The following PPM1L variants were observed in gnomAD, a reference collection of about 807,000 sequenced individuals.
PPM1L encodes protein phosphatase 1L.
In PPM1L, 13 loss-of-function variants were observed where a neutral mutation model predicts 31.4. The observed-to-expected ratio is 0.41, with a 90% CI of 0.27 to 0.66. PPM1L has a LOEUF of 0.66. Among genes scored for constraint, PPM1L ranks in the 30% least tolerant of loss-of-function variants. The probability of loss-of-function intolerance (pLI) is 0.29; values close to 1 mark genes in which losing one functional copy is unlikely to be tolerated. For missense variants in PPM1L, 326 were observed against 453.7 expected, an observed-to-expected ratio of 0.72 and a Z score of 2.56; for synonymous variants, 184 against 175.4, an observed-to-expected ratio of 1.05 and a Z score of -0.39.
intron 3 of PPM1L, among the ~76,000 whole-genome samples, chr3:161,065,878 T>C (rs1270102511): frequency 1.3e-5 from 2 of 152,234 alleles, no homozygotes; most frequent in Non-Finnish European, 2.9e-5. Context: ...CACAACTAAC[T>C]ACTAATCATT....
intron 1 of PPM1L, among the ~76,000 whole-genome samples, chr3:160,774,159 C>T (rs146722797): frequency 2.6e-5 from 4 of 152,278 alleles, no homozygotes; most frequent in African/African-American, 9.6e-5. Flanking sequence ...ATTTCCTCTC[C>T]AGAGTTGTCT....
At chr3:160,948,436 A>G (rs16831645) in intron 1 of PPM1L, among the ~76,000 whole-genome samples, 4,870 of 152,220 alleles carry the variant, frequency 0.032, 291 homozygotes, top group African/African-American at 0.11. Context: ...CCAGGATTCA[A>G]AGTCCCACTT....
chr3:160,797,195 T>C (rs1294100542), intron 1 of PPM1L, among the ~76,000 whole-genome samples: 2 of 152,222 alleles, frequency 1.3e-5, no homozygotes, highest in Admixed American at 6.5e-5. Flanking sequence ...ATTTTTGCAA[T>C]ATATCAGACT....
chr3:160,886,342 C>T (rs1027952414), intron 1 of PPM1L, among the ~76,000 whole-genome samples: 3 of 152,202 alleles, frequency 2.0e-5, no homozygotes, highest in Admixed American at 2.0e-4. Context: ...ACACCCCATC[C>T]ACAAAGGGAC....
rs553867260 is a variant in PPM1L, at chr3:161,057,631, TC to T, written c.575-7771del. Among the ~76,000 whole-genome samples the T allele has an allele frequency of 2.0e-4, 30 of 152,156 alleles. No homozygotes were observed. In the South Asian group the frequency reaches 6.2e-3, roughly 32 times the overall value. Reference sequence around the variant, plus strand: ...AAGAAAAGTTGCTAACGTTTAAAAATCAGGAGAGTTCATACAAAAAAGACTT... The same window carrying T: ...AAGAAAAGTTGCTAACGTTTAAAAATAGGAGAGTTCATACAAAAAAGACTT... On this transcript the variant is annotated intron_variant, in intron 2 of 3. Coordinates refer to ENST00000498165, the MANE Select transcript of PPM1L (RefSeq NM_139245.4).
At chr3:160,976,590 G>C (rs1460741127) in intron 2 of PPM1L, among the ~76,000 whole-genome samples, 3 of 151,420 alleles carry the variant, frequency 2.0e-5, no homozygotes, top group African/African-American at 7.3e-5. Context: ...ACTTCTTCCT[G>C]GTTTAGTCTT....
At chr3:160,974,221 A>G (rs1384231144) in intron 2 of PPM1L, among the ~76,000 whole-genome samples, 3 of 151,712 alleles carry the variant, frequency 2.0e-5, no homozygotes, top group Non-Finnish European at 2.9e-5. Context: ...TTATGGCTGC[A>G]TAGTATTCCA....
intron 1 of PPM1L, among the ~76,000 whole-genome samples, chr3:160,814,964 G>A (rs1712950176): frequency 6.6e-6 from 1 of 151,998 alleles, no homozygotes; most frequent in South Asian, 2.1e-4. Flanking sequence ...AGGATGCAAA[G>A]GCATAAGAAT....
intron 1 of PPM1L, among the ~76,000 whole-genome samples, chr3:160,961,444 A>G (rs1168186299): frequency 6.6e-6 from 1 of 152,212 alleles, no homozygotes; most frequent in Admixed American, 6.5e-5. Flanking sequence ...AGGGGCCTTC[A>G]GTTCACTATA....
chr3:160,765,825 T>C (rs950307791), intron 1 of PPM1L, among the ~76,000 whole-genome samples: 6 of 152,234 alleles, frequency 3.9e-5, no homozygotes, highest in African/African-American at 1.4e-4. Flanking sequence ...TCGACTTTTT[T>C]TTTCTTTTTC....
At position 160,969,665 on chromosome 3, in the gene PPM1L, G is replaced by A. The variant is rs9882419; in HGVS notation, c.574+7755G>A. On this transcript the variant is annotated intron_variant, in intron 2 of 3. Transcript: ENST00000498165. ...TTTCCTTACTTTATATCTTCAATCA[G>A]GACCCCATTTCTTAGCTCAAAAGAT... Among the ~76,000 whole-genome samples, 280 of 152,216 alleles carry A rather than the reference G, an allele frequency of 1.8e-3. 2 individuals are homozygous for A. Among genetic ancestry groups the A allele is most frequent in the Admixed American group, 7.7e-3 (118 of 15,278 alleles).
chr3:160,975,188 T>A (rs968645273), intron 2 of PPM1L, among the ~76,000 whole-genome samples: 2 of 152,204 alleles, frequency 1.3e-5, no homozygotes, highest in Non-Finnish European at 2.9e-5. Context: ...GTTGTAGATA[T>A]GCGGCGTTAT....
chr3:161,007,976 C>A (rs1427611040), intron 2 of PPM1L, among the ~76,000 whole-genome samples: 3 of 152,124 alleles, frequency 2.0e-5, no homozygotes, highest in Non-Finnish European at 4.4e-5. Context: ...AACATGAAGG[C>A]CTCAGAAGCA....
At chr3:160,904,862 T>C (rs1190741474) in intron 1 of PPM1L, among the ~76,000 whole-genome samples, 1 of 152,174 alleles carries the variant, frequency 6.6e-6, no homozygotes, top group Non-Finnish European at 1.5e-5. Context: ...ATGCTATTCC[T>C]GGAGCCAGCC....
At chr3:160,902,830 G>GATAC (rs10688205) in intron 1 of PPM1L, among the ~76,000 whole-genome samples, 1,863 of 152,172 alleles carry the variant, frequency 0.012, 35 homozygotes, top group African/African-American at 0.043. Flanking sequence ...CGTGTCCCTT[G>GATAC]ATACATACAC....
intron 1 of PPM1L, among the ~76,000 whole-genome samples, chr3:160,838,370 C>T (rs1464554718): frequency 6.6e-6 from 1 of 152,046 alleles, no homozygotes. Context: ...CAAAGGGTGG[C>T]TATAAGACAA....
chr3:161,056,768 G>C (rs1719423921), intron 2 of PPM1L, among the ~76,000 whole-genome samples: 1 of 151,750 alleles, frequency 6.6e-6, no homozygotes, highest in Non-Finnish European at 1.5e-5. Context: ...ACTCTTATAA[G>C]AATACAGCAA....
intron 2 of PPM1L, among the ~76,000 whole-genome samples, chr3:160,975,537 T>C (rs937972962): frequency 6.2e-4 from 94 of 152,206 alleles, no homozygotes; most frequent in Non-Finnish European, 9.7e-4. Flanking sequence ...TTTGTATCCT[T>C]TTTTATTTCC....
chr3:160,843,641 G>C (rs895382716), intron 1 of PPM1L, among the ~76,000 whole-genome samples: 3 of 150,964 alleles, frequency 2.0e-5, no homozygotes, highest in Non-Finnish European at 3.0e-5. Flanking sequence ...AACAGGCCCC[G>C]GTGTGTGATG....
Sources: allele counts gnomAD v4.1 joint callset (sites outside exome capture counted in the v4.1 genomes callset), GRCh38; gene constraint gnomAD v4.1.1; transcripts MANE v1.5; gene names NCBI Gene and HGNC (gene_info 2026-07-23, HGNC 2026-07-21).